The following PTK2 variants were observed in gnomAD, a reference collection of about 807,000 sequenced individuals.
The protein encoded by PTK2 is focal adhesion kinase 1.
A neutral mutation model predicts 150.1 loss-of-function variants in PTK2; 45 were observed. The ratio of observed to expected loss-of-function variants is 0.30; its 90% confidence interval spans 0.24 to 0.38. The LOEUF (loss-of-function observed/expected upper bound fraction) is 0.38, where lower values mean the gene tolerates loss of function less well. PTK2 is among the 10% of genes least tolerant of loss of function. The pLI is 1.00. For synonymous variants in PTK2, 432 were observed against 449.2 expected (o/e 0.96, Z 0.48); for missense variants, 919 against 1,307.3 (o/e 0.70, Z 4.58).
intron 12 of PTK2, among the ~76,000 whole-genome samples, chr8:140,798,783 T>G (rs2100093205): frequency 6.6e-6 from 1 of 152,188 alleles, no homozygotes; most frequent in Admixed American, 6.5e-5. Flanking sequence ...TGTAAAGAAA[T>G]TATCTGAAAA....
intron 2 of PTK2, among the ~76,000 whole-genome samples, chr8:140,919,916 T>A (rs2100166755): frequency 6.6e-6 from 1 of 152,262 alleles, no homozygotes; most frequent in Non-Finnish European, 1.5e-5. Context: ...ATTTTAATGG[T>A]GAAACTGTAG....
chr8:140,662,732 G>GT (rs1302536723), intron 31 of PTK2: 6 of 590,494 alleles, frequency 1.0e-5, no homozygotes, highest in Non-Finnish European at 2.0e-5. Flanking sequence ...CCTGGACATC[G>GT]TATGTCTCTG....
rs115405527 is a variant in PTK2, at chr8:140,858,068, T to A, written c.450+6244A>T. ...ATAGATTAGCAAATAATAAGGGCCATACAAAGTGGCCTGGCAATTTAAAAA... is the reference window on the plus strand; with the variant it reads ...ATAGATTAGCAAATAATAAGGGCCAAACAAAGTGGCCTGGCAATTTAAAAA... On this transcript the variant is annotated intron_variant, in intron 5 of 31. Coordinates refer to ENST00000522684, the Ensembl canonical transcript of PTK2. 4.3e-3 allele frequency among the ~76,000 whole-genome samples: 658 copies of A among 152,284 alleles called. 4 individuals carry two copies. The highest frequency in any genetic ancestry group is 0.015 in the African/African-American group (627 of 41,570).
At chr8:140,772,727 A>AC (rs1200488001) in intron 14 of PTK2, among the ~76,000 whole-genome samples, 8 of 152,222 alleles carry the variant, frequency 5.3e-5, no homozygotes, top group Non-Finnish European at 1.2e-4. Context: ...AACAACAACA[A>AC]AAAACCCATA....
At chr8:140,963,146 T>G (rs2100183984) in intron 1 of PTK2, among the ~76,000 whole-genome samples, 1 of 152,088 alleles carries the variant, frequency 6.6e-6, no homozygotes, top group African/African-American at 2.4e-5. Context: ...AGCCTATATA[T>G]GTTCTTCCTC....
At chr8:140,965,601 G>A (rs887691096) in intron 1 of PTK2, among the ~76,000 whole-genome samples, 1 of 152,200 alleles carries the variant, frequency 6.6e-6, no homozygotes, top group Admixed American at 6.5e-5. Flanking sequence ...TCTAGGCCAG[G>A]CGTGGTGGCT....
chr8:140,783,771 T>C (rs959296257), intron 14 of PTK2, among the ~76,000 whole-genome samples: 6 of 152,134 alleles, frequency 3.9e-5, no homozygotes, highest in Non-Finnish European at 5.9e-5. Context: ...AAAAGTAATC[T>C]TGAATAAAGG....
At chr8:140,997,057 A>G (rs1363454020) in intron 1 of PTK2, among the ~76,000 whole-genome samples, 1 of 152,200 alleles carries the variant, frequency 6.6e-6, no homozygotes, top group Non-Finnish European at 1.5e-5. Flanking sequence ...TATGAACAGG[A>G]GTTTGGAAGA....
In PTK2 at chr8:140,878,735, C is replaced by A. The variant is rs533968894; in HGVS notation, c.362+736G>T. Among the ~76,000 whole-genome samples, 19 of 151,904 alleles carry A rather than the reference C, an allele frequency of 1.3e-4. No homozygotes were observed. The South Asian group carries it at 3.7e-3, about 30-fold the overall frequency. ...ATTATCTTTATTTCTGTAGCATTGC[C>A]TATAAAAATTAGAACCCTAGTGAAA... On this transcript the variant is annotated intron_variant, in intron 4 of 31. Coordinates refer to ENST00000522684, the Ensembl canonical transcript of PTK2.
chr8:140,762,683 A>AT (rs2100070032), intron 15 of PTK2, among the ~76,000 whole-genome samples: 1 of 152,212 alleles, frequency 6.6e-6, no homozygotes, highest in South Asian at 2.1e-4. Flanking sequence ...TCAACTATAA[A>AT]TAATAAATAT....
intron 24 of PTK2, among the ~76,000 whole-genome samples, chr8:140,704,162 CACA>C (rs2100032365): frequency 2.0e-5 from 3 of 152,274 alleles, no homozygotes; most frequent in Admixed American, 6.5e-5. Flanking sequence ...TAGGAATTTT[CACA>C]ACAAGGAGGT....
At chr8:140,912,811 T>C (rs1388880311) in intron 2 of PTK2, among the ~76,000 whole-genome samples, 2 of 151,892 alleles carry the variant, frequency 1.3e-5, no homozygotes. Context: ...ATACAAAAAT[T>C]AGACGAGCTT....
chr8:140,884,771 T>C (rs1165305829), intron 3 of PTK2, among the ~76,000 whole-genome samples: 1 of 152,204 alleles, frequency 6.6e-6, no homozygotes, highest in African/African-American at 2.4e-5. Context: ...TGATTTTAAA[T>C]TGAACACAAC....
At chr8:140,850,017 T>A (rs2100128182) in intron 5 of PTK2, among the ~76,000 whole-genome samples, 2 of 152,142 alleles carry the variant, frequency 1.3e-5, no homozygotes, top group Non-Finnish European at 2.9e-5. Flanking sequence ...TCTCCTGAGG[T>A]ATTGGAACAC....
At chr8:140,687,096 AGTTCAAT>A in intron 26 of PTK2, 1 of 185,972 alleles carries the variant, frequency 5.4e-6, no homozygotes, top group Non-Finnish European at 1.1e-5. Context: ...GTAGCAAATG[AGTTCAAT>A]TACAAGACTG....
intron 26 of PTK2, among the ~76,000 whole-genome samples, chr8:140,689,757 C>G (rs1027287044): frequency 6.6e-6 from 1 of 152,134 alleles, no homozygotes; most frequent in Non-Finnish European, 1.5e-5. Context: ...GTAAAGGGAA[C>G]ATGGGAATTC....
chr8:140,910,587 C>A (rs1016349049), intron 2 of PTK2, among the ~76,000 whole-genome samples: 2 of 152,132 alleles, frequency 1.3e-5, no homozygotes, highest in Admixed American at 6.5e-5. Context: ...TACAGATACC[C>A]TAATGCTTCC....
At chr8:140,838,250 T>TA (rs2100120016) in intron 7 of PTK2, among the ~76,000 whole-genome samples, 2 of 152,224 alleles carry the variant, frequency 1.3e-5, no homozygotes, top group Non-Finnish European at 2.9e-5. Context: ...TATTCATGTA[T>TA]AATTCCTTTC....
intron 1 of PTK2, among the ~76,000 whole-genome samples, chr8:140,931,506 C>CAATG (rs1408767898): frequency 2.0e-5 from 3 of 151,912 alleles, no homozygotes; most frequent in Non-Finnish European, 2.9e-5. Context: ...GCTGAGGCTG[C>CAATG]AATGAGCCAT....
Sources: gnomAD v4.1 joint callset for allele counts (sites outside exome capture counted in the v4.1 genomes callset) on GRCh38, gnomAD v4.1.1 for gene constraint, MANE v1.5 for transcripts, NCBI Gene and HGNC (gene_info 2026-07-23, HGNC 2026-07-21) for gene names.